NEK10: variants seen among roughly 807,000 people sequenced by gnomAD.
NEK10 encodes the protein serine/threonine-protein kinase Nek10.
In NEK10, 122 loss-of-function variants were observed where a neutral mutation model predicts 159.8. That is an observed-to-expected ratio of 0.76 (90% CI 0.66 to 0.89). NEK10 has a LOEUF of 0.89. NEK10 is among the 40% of genes least tolerant of loss of function. The pLI, the probability that NEK10 is intolerant of heterozygous loss-of-function variation, is 0.00. For synonymous variants in NEK10, 466 were observed against 457.1 expected, an observed-to-expected ratio of 1.02 and a Z score of -0.25; for missense variants, 1,342 against 1,323.1, an observed-to-expected ratio of 1.01 and a Z score of -0.22.
intron 30 of NEK10, among the ~76,000 whole-genome samples, chr3:27,160,672 G>A (rs534004495): frequency 4.3e-4 from 66 of 152,240 alleles, no homozygotes; most frequent in African/African-American, 1.6e-3. Context: ...TTGGGAGGCC[G>A]AGGTGGGCAG....
In NEK10 at chr3:27,131,965, A is replaced by G; in HGVS notation, c.2996T>C (p.Leu999Ser). ...TQLPPALHHN[L>S]KRRVIERFKK... is the part of the protein sequence containing the mutation. ...GAATCTCTCTATAACCCTTCTTTTC[A>G]AATTGTGGTGCAAAGCTGGAGGAAG... The change falls in exon 32 of 36, where the codon TTG becomes TCG. Residue 999 changes from leucine to serine, a missense_variant. Leu to Ser is a moderately radical substitution (Grantham distance 145). Coordinates refer to ENST00000691995, the MANE Select transcript of NEK10 (RefSeq NM_001394966.1). The G allele has an allele frequency of 6.2e-7, 1 of 1,606,884 alleles. No individual in the cohort carries two copies. Among genetic ancestry groups the G allele is most frequent in the Non-Finnish European group, 8.5e-7 (1 of 1,174,314 alleles).
chr3:27,250,002 A>C (rs1955485225), intron 23 of NEK10, among the ~76,000 whole-genome samples: 1 of 152,182 alleles, frequency 6.6e-6, no homozygotes, highest in African/African-American at 2.4e-5. Context: ...AAACATAAAA[A>C]CTGTATACTT....
intron 17 of NEK10, 24 bp from the exon 18 acceptor site, chr3:27,291,414 TG>T: frequency 6.2e-7 from 1 of 1,609,000 alleles, no homozygotes; most frequent in Non-Finnish European, 8.5e-7. Context: ...AAAAAGGAAA[TG>T]GGTTTCTGTG....
At chr3:27,329,838 G>A (rs903583729) in intron 5 of NEK10, among the ~76,000 whole-genome samples, 10 of 150,746 alleles carry the variant, frequency 6.6e-5, no homozygotes, top group African/African-American at 2.4e-4. Context: ...TATCAAATGA[G>A]GCTTAAGAAG....
chr3:27,308,926 C>G lies in NEK10; in HGVS notation c.716G>C (p.Ser239Thr), dbSNP rs1478035578. 1.3e-6 allele frequency: 2 copies of G among 1,550,640 alleles called. No homozygotes were observed. Among genetic ancestry groups the G allele is most frequent in the East Asian group, 2.3e-5 (1 of 44,360 alleles). The change falls in exon 10 of 36, where the codon AGT (serine) becomes ACT (threonine). Residue 239 changes from serine (S) to threonine (T), a missense_variant and splice_region_variant. Ser to Thr is a moderately conservative substitution (Grantham distance 58). Transcript: ENST00000691995. ...SLLALASLAE[S>T]QECREKISEL... ...AAGTATATTAGAATACACTACTTAC[C>G]TTTCTGCTAAACTAGCCAGAGCCAG... is the stretch of plus-strand genomic sequence containing the variant.
intron 23 of NEK10, among the ~76,000 whole-genome samples, chr3:27,220,518 T>C (rs533803825): frequency 7.7e-4 from 117 of 152,206 alleles, no homozygotes; most frequent in Admixed American, 1.5e-3. Context: ...CCCTTCACCA[T>C]GTAACATAAC....
intron 13 of NEK10, 90 bp downstream of exon 13, chr3:27,301,606 G>T: frequency 1.0e-6 from 1 of 967,672 alleles, no homozygotes. Context: ...TCTAAATTTT[G>T]CCTACTTAAC....
intron 23 of NEK10, among the ~76,000 whole-genome samples, chr3:27,213,898 C>A (rs927631796): frequency 2.0e-5 from 3 of 152,212 alleles, no homozygotes; most frequent in Non-Finnish European, 2.9e-5. Flanking sequence ...AATCTCCTTC[C>A]CTTTCCAGGT....
chr3:27,280,300 G>A (rs2042065606), intron 22 of NEK10, among the ~76,000 whole-genome samples: 1 of 139,260 alleles, frequency 7.2e-6, no homozygotes, highest in Admixed American at 7.7e-5. Flanking sequence ...GAAGGCTTAA[G>A]GGAGCCCATT....
intron 22 of NEK10, 22 bp downstream of exon 22, chr3:27,284,580 G>C: frequency 7.3e-7 from 1 of 1,371,400 alleles, no homozygotes; most frequent in South Asian, 1.2e-5. Context: ...TCAGTTAAAA[G>C]TTTAAAAATC....
chr3:27,209,730 A>C (rs559699060), intron 23 of NEK10, among the ~76,000 whole-genome samples: 12 of 152,300 alleles, frequency 7.9e-5, no homozygotes, highest in African/African-American at 2.6e-4. Flanking sequence ...CCCTCTTATT[A>C]GGTCACCTAG....
intron 3 of NEK10, among the ~76,000 whole-genome samples, chr3:27,351,178 T>C (rs796311621): frequency 1.6e-4 from 24 of 149,790 alleles, no homozygotes; most frequent in African/African-American, 5.9e-4. Flanking sequence ...TGGGTGAGAT[T>C]TTATAAGAAA....
chr3:27,328,724 C>T (rs573745759), intron 5 of NEK10, among the ~76,000 whole-genome samples: 1 of 152,138 alleles, frequency 6.6e-6, no homozygotes, highest in East Asian at 1.9e-4. Context: ...TGAAAAAATC[C>T]TTCTAAATTC....
At chr3:27,288,672 G>A (rs2042789955) in intron 19 of NEK10, among the ~76,000 whole-genome samples, 1 of 152,152 alleles carries the variant, frequency 6.6e-6, no homozygotes, top group Non-Finnish European at 1.5e-5. Context: ...TATAAGTTAA[G>A]AATGTTAGTG....
At chr3:27,294,612 C>G in intron 15 of NEK10, among the ~76,000 whole-genome samples, 1 of 152,158 alleles carries the variant, frequency 6.6e-6, no homozygotes, top group African/African-American at 2.4e-5. Flanking sequence ...AAGTCCCATG[C>G]CTGCACCTTC....
intron 25 of NEK10, chr3:27,193,992 A>G (rs1280491183): frequency 6.6e-6 from 1 of 152,144 alleles, no homozygotes; most frequent in Admixed American, 6.5e-5. Context: ...GTAACATCTA[A>G]AAAGTTTACC....
intron 35 of NEK10, among the ~76,000 whole-genome samples, chr3:27,114,615 T>C (rs1940105668): frequency 6.6e-6 from 1 of 152,212 alleles, no homozygotes; most frequent in African/African-American, 2.4e-5. Flanking sequence ...AATTTCTATA[T>C]AATGACCTTA....
At chr3:27,177,438 G>A (rs953397208) in intron 26 of NEK10, among the ~76,000 whole-genome samples, 1 of 151,916 alleles carries the variant, frequency 6.6e-6, no homozygotes, top group Non-Finnish European at 1.5e-5. Flanking sequence ...CCAGCTACTC[G>A]GGAGGCTGAA....
intron 30 of NEK10, among the ~76,000 whole-genome samples, chr3:27,143,761 C>A (rs1410746782): frequency 2.0e-5 from 3 of 152,184 alleles, no homozygotes; most frequent in African/African-American, 4.8e-5. Flanking sequence ...CCCATCACAG[C>A]CACCTCCCCA....
Sources: gnomAD v4.1 joint callset for allele counts (sites outside exome capture counted in the v4.1 genomes callset) on GRCh38, gnomAD v4.1.1 for gene constraint, MANE v1.5 for transcripts, NCBI Gene and HGNC (gene_info 2026-07-23, HGNC 2026-07-21) for gene names.